The following EML2 variants were observed in gnomAD, a reference collection of about 807,000 sequenced individuals.
EML2 encodes the protein EMAP like 2.
In EML2, 59 loss-of-function variants were observed where a neutral mutation model predicts 84.7. The ratio of observed to expected loss-of-function variants is 0.70; its 90% CI spans 0.56 to 0.86. The LOEUF (loss-of-function observed/expected upper bound fraction) is 0.86. Ranked by LOEUF, EML2 falls within the 40% of genes least tolerant of loss-of-function variation. The probability of loss-of-function intolerance (pLI) is 0.00; values close to 1 mark genes in which losing one functional copy is unlikely to be tolerated. For synonymous variants in EML2, 352 were observed against 348.9 expected (o/e 1.01, Z -0.10); for missense variants, 818 against 855.6 (o/e 0.96, Z 0.55).
intron 11 of EML2, among the ~76,000 whole-genome samples, chr19:45,620,426 G>A (rs1451654088): frequency 6.6e-6 from 1 of 151,966 alleles, no homozygotes; most frequent in African/African-American, 2.4e-5. Context: ...ATAATAGTAT[G>A]GGCTGGGTGC....
At chr19:45,616,938 A>G (rs1600093130) in intron 13 of EML2, 85 bp from the exon 14 acceptor site, 5 of 1,024,644 alleles carry the variant, frequency 4.9e-6, no homozygotes, top group Non-Finnish European at 7.4e-6. Context: ...TAAGGGAGGG[A>G]TCAGAGGGAC....
rs58180181 is a variant in EML2 at position 45,637,667 on chromosome 19, CTTTTTTTTTTTTTT to C, written c.179+824_179+837del. 7.1e-3 allele frequency among the ~76,000 whole-genome samples: 346 copies of C among 48,940 alleles called. 5 individuals are homozygous for C. The highest frequency in any genetic ancestry group is 0.024 in the African/African-American group (317 of 13,474). The allele number at this position is 48,940 out of a possible 152,430, so 32.1% of individuals were successfully genotyped here. A position where few individuals can be genotyped will look rare whatever the true frequency, so the allele number is the denominator to read the frequency against. Reference sequence around the variant, plus strand: ...GCTATTTTTTTTTTCTTTTTCTTTTCTTTTTTTTTTTTTTTTTTTTTTTTTTGAGACGGAGTTTC... The same window carrying C: ...GCTATTTTTTTTTTCTTTTTCTTTTCTTTTTTTTTTTTGAGACGGAGTTTC... On this transcript the variant is annotated intron_variant, in intron 3 of 18. Transcript: ENST00000245925.
At chr19:45,625,277 T>C (rs1972173821) in intron 8 of EML2, among the ~76,000 whole-genome samples, 1 of 151,952 alleles carries the variant, frequency 6.6e-6, no homozygotes, top group Admixed American at 6.6e-5. Context: ...AGTCTCGCTC[T>C]GTCACCAGGC....
At chr19:45,613,456 G>A in intron 18 of EML2, 85 bp downstream of exon 18, 6 of 1,508,184 alleles carry the variant, frequency 4.0e-6, no homozygotes, top group Non-Finnish European at 4.5e-6. Flanking sequence ...TCAGAGAAGG[G>A]GTGGGGTTGG....
At chr19:45,616,925 G>T in intron 13 of EML2, 72 bp from the exon 14 acceptor site, 2 of 1,154,770 alleles carry the variant, frequency 1.7e-6, no homozygotes, top group Non-Finnish European at 2.5e-6. Flanking sequence ...AATCTGTGGG[G>T]TCTAAGGGAG....
At chr19:45,611,911 G>A (rs554126617) in intron 18 of EML2, among the ~76,000 whole-genome samples, 12 of 152,000 alleles carry the variant, frequency 7.9e-5, no homozygotes, top group African/African-American at 2.4e-4. Context: ...CCTTGCTGTC[G>A]CTCAGGCTGG....
chr19:45,619,355 A>ATGGGT, intron 11 of EML2, 164 bp from the exon 12 acceptor site: 7 of 809,210 alleles, frequency 8.7e-6, no homozygotes, highest in Non-Finnish European at 1.3e-5. Flanking sequence ...TCAATTGGGC[A>ATGGGT]TCTGAACCCA....
intron 13 of EML2, 114 bp downstream of exon 13, chr19:45,617,516 T>C (rs1971230687): frequency 1.2e-5 from 11 of 922,860 alleles, no homozygotes; most frequent in Non-Finnish European, 1.6e-5. Flanking sequence ...CAGAGGAATA[T>C]TGAGGGATCA....
upstream of EML2, chr19:45,645,014 G>C (rs952333828): frequency 1.8e-6 from 1 of 564,688 alleles, no homozygotes; most frequent in African/African-American, 1.9e-5. Flanking sequence ...CCAATCCCAG[G>C]TTCCTTCGGG....
Position 45,621,276 on chromosome 19 carries a change from C to T in EML2, c.1053G>A (p.Leu351=), listed in dbSNP as rs1421149558. 1.2e-6 allele frequency: 2 copies of T among 1,613,724 alleles called. No homozygotes were observed. Among genetic ancestry groups the T allele is most frequent in the South Asian group, 2.2e-5 (2 of 91,058 alleles). The change falls in exon 11 of 19, where the codon CTG becomes CTA. Residue 351 remains leucine (L), a synonymous_variant. Transcript: ENST00000245925. The part of the protein sequence containing the change: ...RTVAEGHGDT[L]YVGTTRNSIL... ...TGGAATTGCGGGTGGTCCCCACGTA[C>T]AGTGTGTCTCCGTGGCCCTCTGCCA...
chr19:45,626,096 C>T (rs533504993), intron 8 of EML2, among the ~76,000 whole-genome samples: 5 of 152,030 alleles, frequency 3.3e-5, no homozygotes, highest in Non-Finnish European at 7.4e-5. Flanking sequence ...AGGCTGGTCT[C>T]GAACTTCTGG....
intron 18 of EML2, 90 bp from the exon 19 acceptor site, chr19:45,609,878 G>T: frequency 1.4e-6 from 2 of 1,437,542 alleles, no homozygotes; most frequent in Non-Finnish European, 1.8e-6. Context: ...GTTCTTTTCT[G>T]CTCTTCCTCT....
rs1441114173 is a variant in EML2 at position 45,615,254 on chromosome 19, C to T, written c.1597+548G>A. On this transcript the variant is annotated intron_variant, in intron 16 of 18. Coordinates refer to ENST00000245925, the MANE Select transcript of EML2 (RefSeq NM_012155.4). The stretch of plus-strand genomic sequence containing the variant: ...ACTCAGGAGCCTGAGGCAAGAGAAT[C>T]GCTTGAACCTGGGAGGCGGAGGCTG... Among the ~76,000 whole-genome samples, 2 of 151,868 alleles carry T rather than the reference C, an allele frequency of 1.3e-5. 1 individual carries two copies. Among genetic ancestry groups the T allele is most frequent in the South Asian group, 4.1e-4 (2 of 4,820 alleles).
chr19:45,622,414 C>CTTTGTTTTGTTTTGTTTTGT (rs887802246), intron 9 of EML2, among the ~76,000 whole-genome samples: 1 of 151,944 alleles, frequency 6.6e-6, no homozygotes, highest in Non-Finnish European at 1.5e-5. Flanking sequence ...TTTTGTTTTG[C>CTTTGTTTTGTTTTGTTTTGT]TTTGTTTTGT....
chr19:45,621,387 G>A, intron 10 of EML2, 55 bp from the exon 11 acceptor site: 3 of 1,573,826 alleles, frequency 1.9e-6, no homozygotes, highest in Non-Finnish European at 2.6e-6. Flanking sequence ...TGGGTGTGGG[G>A]TGACATACTG....
chr19:45,644,990 G>C (rs1974920244), upstream of EML2: 1 of 536,018 alleles, frequency 1.9e-6, no homozygotes. Flanking sequence ...TCGACCCCCA[G>C]GCCGTTCCCC....
intron 12 of EML2, among the ~76,000 whole-genome samples, chr19:45,618,476 G>A (rs1024550721): frequency 3.9e-5 from 6 of 151,914 alleles, no homozygotes; most frequent in South Asian, 2.1e-4. Flanking sequence ...CTGTTGCAGC[G>A]GTCACACCTT....
chr19:45,621,144 G>A lies in EML2; in HGVS notation c.1122+63C>T, dbSNP rs764702161. 6 of 1,581,942 alleles carry A rather than the reference G, an allele frequency of 3.8e-6. No homozygotes were observed. In the South Asian group the frequency reaches 5.6e-5, roughly 15 times the overall value. On this transcript the variant is annotated intron_variant, in intron 11 of 18. Coordinates refer to ENST00000245925, the MANE Select transcript of EML2 (RefSeq NM_012155.4). ...CTGGGAGTGGGGAGGGGGAGTGGAT[G>A]ATGCAGGGAAGGCCAGGGAAAGAGC...
intron 3 of EML2, 98 bp downstream of exon 3, chr19:45,638,407 C>T (rs1280778458): frequency 3.8e-6 from 6 of 1,567,168 alleles, no homozygotes; most frequent in Non-Finnish European, 5.2e-6. Context: ...AAACGATCCT[C>T]CCAAAGTGCT....
Sources: gnomAD v4.1 joint callset for allele counts (sites outside exome capture counted in the v4.1 genomes callset) on GRCh38, gnomAD v4.1.1 for gene constraint, MANE v1.5 for transcripts, NCBI Gene and HGNC (gene_info 2026-07-23, HGNC 2026-07-21) for gene names.